OCA2: variants seen among roughly 807,000 people sequenced by gnomAD.
The protein encoded by OCA2 is P protein.
OCA2 carries 77 observed loss-of-function variants against 100.2 expected under a neutral mutation model. The observed-to-expected ratio is 0.77, with a 90% CI of 0.64 to 0.93. OCA2 has a LOEUF of 0.93. OCA2 is among the 40% of genes least tolerant of loss of function. The probability of loss-of-function intolerance (pLI) is 0.00; values close to 1 mark genes in which losing one functional copy is unlikely to be tolerated. For synonymous variants in OCA2, 432 were observed against 439.2 expected (o/e 0.98, Z 0.21); for missense variants, 1,062 against 1,089.1 (o/e 0.98, Z 0.35).
chr15:27,844,890 A>G, intron 23 of OCA2, 69 bp downstream of exon 23: 1 of 1,138,700 alleles, frequency 8.8e-7, no homozygotes, highest in Non-Finnish European at 1.3e-6. Flanking sequence ...TTAATGTGTT[A>G]TTTTTTTAAT....
chr15:27,857,544 A>G (rs1436828411), intron 21 of OCA2, among the ~76,000 whole-genome samples: 4 of 152,220 alleles, frequency 2.6e-5, no homozygotes, highest in Admixed American at 2.0e-4. Context: ...CTTAAAAATG[A>G]TTAAGATGGT....
intron 9 of OCA2, among the ~76,000 whole-genome samples, chr15:28,001,917 G>A (rs2041940065): frequency 6.6e-6 from 1 of 152,212 alleles, no homozygotes; most frequent in African/African-American, 2.4e-5. Flanking sequence ...ATTCCAGCTA[G>A]GCGACCTGGA....
At chr15:27,756,661 A>T (rs1217378064) in intron 23 of OCA2, among the ~76,000 whole-genome samples, 1 of 152,234 alleles carries the variant, frequency 6.6e-6, no homozygotes, top group African/African-American at 2.4e-5. Flanking sequence ...CATCACAGAC[A>T]TCACTGCAAG....
At chr15:27,999,582 T>G (rs185005868) in intron 9 of OCA2, among the ~76,000 whole-genome samples, 2 of 152,332 alleles carry the variant, frequency 1.3e-5, no homozygotes, top group East Asian at 3.9e-4. Flanking sequence ...CTCTCACCAC[T>G]TCTATTCAAC....
chr15:27,899,907 C>T (rs1254114120), intron 19 of OCA2, among the ~76,000 whole-genome samples: 2 of 152,118 alleles, frequency 1.3e-5, no homozygotes, highest in Non-Finnish European at 2.9e-5. Flanking sequence ...ATTACTATAC[C>T]CAGTGACCCA....
intron 14 of OCA2, among the ~76,000 whole-genome samples, chr15:27,978,675 G>T (rs143907465): frequency 0.022 from 3,268 of 151,350 alleles, 63 homozygotes; most frequent in Admixed American, 0.048. Flanking sequence ...TATATATAGA[G>T]AGAGAGAGAG....
At chr15:27,952,664 A>ATTTATT (rs1422949958) in intron 17 of OCA2, among the ~76,000 whole-genome samples, 1 of 148,792 alleles carries the variant, frequency 6.7e-6, no homozygotes, top group East Asian at 1.9e-4. Flanking sequence ...TTATTTATTT[A>ATTTATT]TTTATTTTTA....
intron 23 of OCA2, among the ~76,000 whole-genome samples, chr15:27,757,966 T>C (rs1238642708): frequency 2.0e-5 from 3 of 152,170 alleles, no homozygotes; most frequent in African/African-American, 7.2e-5. Context: ...AATTTTACTC[T>C]CAAATTAAAG....
intron 23 of OCA2, among the ~76,000 whole-genome samples, chr15:27,839,286 G>C (rs1357863143): frequency 6.6e-6 from 1 of 151,822 alleles, no homozygotes; most frequent in African/African-American, 2.4e-5. Context: ...GAAAATAAGA[G>C]AGCAAAAAAG....
At chr15:27,934,957 G>T (rs568995070) in intron 18 of OCA2, among the ~76,000 whole-genome samples, 8 of 152,080 alleles carry the variant, frequency 5.3e-5, no homozygotes, top group Non-Finnish European at 8.8e-5. Context: ...GCTTGGTATT[G>T]CCTGGTCCTG....
intron 18 of OCA2, among the ~76,000 whole-genome samples, chr15:27,949,336 C>T (rs4778210): frequency 0.15 from 22,438 of 152,086 alleles, 3,408 homozygotes; most frequent in East Asian, 0.86. Flanking sequence ...TCACATTGAA[C>T]GAGGCTCAAC....
intron 19 of OCA2, among the ~76,000 whole-genome samples, chr15:27,909,820 C>A (rs984095208): frequency 6.6e-6 from 1 of 152,038 alleles, no homozygotes; most frequent in African/African-American, 2.4e-5. Flanking sequence ...TTCTATTTAG[C>A]CTTTCTATAT....
intron 1 of OCA2, among the ~76,000 whole-genome samples, chr15:28,095,912 C>T (rs1024088347): frequency 6.6e-6 from 1 of 152,178 alleles, no homozygotes; most frequent in South Asian, 2.1e-4. Flanking sequence ...ACGCTCCCCT[C>T]CCCACAAAGC....
intron 23 of OCA2, among the ~76,000 whole-genome samples, chr15:27,770,058 C>A (rs2031595440): frequency 6.6e-6 from 1 of 152,210 alleles, no homozygotes; most frequent in Admixed American, 6.5e-5. Flanking sequence ...GGGGCAGGGA[C>A]CCCCTTTTTT....
intron 4 of OCA2, among the ~76,000 whole-genome samples, chr15:28,027,339 C>T (rs2042784297): frequency 6.6e-6 from 1 of 152,194 alleles, no homozygotes; most frequent in Admixed American, 6.5e-5. Flanking sequence ...ACTCTGCTTC[C>T]CCAAGCATGG....
chr15:27,995,298 A>C (rs918517517), intron 9 of OCA2, among the ~76,000 whole-genome samples: 1 of 152,226 alleles, frequency 6.6e-6, no homozygotes, highest in African/African-American at 2.4e-5. Flanking sequence ...ACCCAACAGC[A>C]GAAAAAGACA....
chr15:28,008,509 T>C (rs1453421353), intron 9 of OCA2, among the ~76,000 whole-genome samples: 2 of 152,162 alleles, frequency 1.3e-5, no homozygotes, highest in East Asian at 1.9e-4. Flanking sequence ...AAGTTCTAAG[T>C]TGCTAGCCAA....
At position 28,099,304 on chromosome 15, in the gene OCA2, C is replaced by G. The variant is rs1034179847; in HGVS notation, c.-102G>C. On this transcript the variant is annotated 5_prime_UTR_variant, in exon 1 of 24. Coordinates refer to ENST00000354638, the MANE Select transcript of OCA2 (RefSeq NM_000275.3). ...TGGATGGTGAGCGGAGCACAGCCTT[C>G]GAAGTAAGAACTCAGAGGGAGCTCG... 8 of 152,486 alleles carry G rather than the reference C, an allele frequency of 5.2e-5. No homozygotes were observed. The highest frequency in any genetic ancestry group is 1.7e-4 in the African/African-American group (7 of 41,588). The allele number at this position is 152,486 out of a possible 1,614,324, so 9.4% of individuals were successfully genotyped here.
chr15:27,984,584 G>A lies in OCA2; in HGVS notation c.1364+480C>T, dbSNP rs148006000. Among the ~76,000 whole-genome samples, 11 of 152,036 alleles carry A rather than the reference G, an allele frequency of 7.2e-5. 1 individual carries two copies. Among genetic ancestry groups the A allele is most frequent in the South Asian group, 4.2e-4 (2 of 4,796 alleles). ...TGTTTGTTTGTTTGTTTTTTGAGACGGAGTCTCGCTCTGTTGCCCAGGCTG... is the reference window on the plus strand; with the variant it reads ...TGTTTGTTTGTTTGTTTTTTGAGACAGAGTCTCGCTCTGTTGCCCAGGCTG... On this transcript the variant is annotated intron_variant, in intron 13 of 23. Coordinates refer to ENST00000354638, the MANE Select transcript of OCA2 (RefSeq NM_000275.3).
Sources: gnomAD v4.1 joint callset for allele counts (sites outside exome capture counted in the v4.1 genomes callset) on GRCh38, gnomAD v4.1.1 for gene constraint, MANE v1.5 for transcripts, NCBI Gene and HGNC (gene_info 2026-07-23, HGNC 2026-07-21) for gene names.